AGBL1: variants seen among roughly 807,000 people sequenced by gnomAD.
The protein encoded by AGBL1 is cytosolic carboxypeptidase 4.
Under a neutral mutation model 118.9 loss-of-function variants are expected in AGBL1, and 130 were observed. That is an observed-to-expected ratio of 1.09 (90% confidence interval 0.95 to 1.26). The LOEUF is 1.26. Ranked by LOEUF, AGBL1 falls within the 50% of genes most tolerant of loss-of-function variation. AGBL1 has a pLI of 0.00. For missense variants in AGBL1, 1,584 were observed against 1,298.1 expected (o/e 1.22, Z -3.38); for synonymous variants, 555 against 478.9 (o/e 1.16, Z -2.08).
At chr15:86,165,144 T>C (rs928849218) in intron 5 of AGBL1, among the ~76,000 whole-genome samples, 8 of 152,170 alleles carry the variant, frequency 5.3e-5, no homozygotes, top group African/African-American at 1.4e-4. Flanking sequence ...CAAGCAAGCT[T>C]CATAAGCAAA....
intron 6 of AGBL1, among the ~76,000 whole-genome samples, chr15:86,243,663 G>C (rs1260834716): frequency 6.6e-6 from 1 of 152,028 alleles, no homozygotes; most frequent in African/African-American, 2.4e-5. Flanking sequence ...TAATACGAAA[G>C]ACCCTCAGAA....
At chr15:86,332,456 C>G (rs1314895618) in intron 17 of AGBL1, among the ~76,000 whole-genome samples, 1 of 151,950 alleles carries the variant, frequency 6.6e-6, no homozygotes, top group Non-Finnish European at 1.5e-5. Context: ...ACCATCCTGG[C>G]TAACATGGTG....
intron 13 of AGBL1, among the ~76,000 whole-genome samples, chr15:86,269,689 G>T (rs1455551707): frequency 6.6e-6 from 1 of 151,942 alleles, no homozygotes; most frequent in Admixed American, 6.6e-5. Flanking sequence ...AAAAATATGC[G>T]CTATTGTGTA....
chr15:87,006,792 A>T (rs532009704), intron 24 of AGBL1, among the ~76,000 whole-genome samples: 2 of 152,250 alleles, frequency 1.3e-5, no homozygotes, highest in Admixed American at 6.5e-5. Context: ...TGTAGACTGG[A>T]GCTGTTGCTA....
intron 18 of AGBL1, among the ~76,000 whole-genome samples, chr15:86,398,351 T>G (rs1442423738): frequency 6.6e-6 from 1 of 152,064 alleles, no homozygotes; most frequent in Admixed American, 6.6e-5. Context: ...TCTTTCAAAC[T>G]TTGTGGGCAA....
intron 1 of AGBL1, among the ~76,000 whole-genome samples, chr15:86,119,067 G>C (rs1419329319): frequency 6.6e-6 from 1 of 152,168 alleles, no homozygotes; most frequent in Non-Finnish European, 1.5e-5. Flanking sequence ...AGGGTCCAAA[G>C]TGCTTGCTCC....
intron 17 of AGBL1, among the ~76,000 whole-genome samples, chr15:86,359,993 T>C (rs2080779304): frequency 6.6e-6 from 1 of 152,042 alleles, no homozygotes; most frequent in African/African-American, 2.4e-5. Context: ...GACATAATTT[T>C]ACTTTTTCCT....
Position 86,749,070 on chromosome 15 carries a change from G to A in AGBL1, c.3158+74634G>A, listed in dbSNP as rs558947942. ...AGAAAGTCATTGGTAGCTTGATGGG[G>A]ATGGGATTGAATTTATAAATTACCT... is the stretch of plus-strand genomic sequence containing the variant. On this transcript the variant is annotated intron_variant, in intron 22 of 22. Transcript: ENST00000614907. Among the ~76,000 whole-genome samples, 22 of 152,108 alleles carry A rather than the reference G, an allele frequency of 1.4e-4. 1 individual carries two copies. Among genetic ancestry groups the A allele is most frequent in the Non-Finnish European group, 2.5e-4 (17 of 68,022 alleles).
At chr15:86,421,168 C>T (rs2081784487) in intron 18 of AGBL1, among the ~76,000 whole-genome samples, 1 of 152,084 alleles carries the variant, frequency 6.6e-6, no homozygotes, top group Non-Finnish European at 1.5e-5. Flanking sequence ...CCGTCAGATT[C>T]ACCAAGGCTG....
intron 21 of AGBL1, among the ~76,000 whole-genome samples, chr15:86,558,818 A>G (rs1159877766): frequency 6.6e-6 from 1 of 152,152 alleles, no homozygotes; most frequent in South Asian, 2.1e-4. Flanking sequence ...CGCAGATCAG[A>G]GCAGGGTTTC....
At chr15:86,809,156 G>A (rs370601985) in intron 22 of AGBL1, among the ~76,000 whole-genome samples, 6 of 152,290 alleles carry the variant, frequency 3.9e-5, no homozygotes, top group African/African-American at 1.4e-4. Context: ...GACAGTGACA[G>A]ATTCATAATT....
chr15:86,083,204 AG>A (rs1390441865), intron 1 of AGBL1: 3 of 151,856 alleles, frequency 2.0e-5, no homozygotes, highest in Non-Finnish European at 4.4e-5. Context: ...GAAAAAAAAA[AG>A]AGGTGTCTCA....
At chr15:86,795,600 T>C (rs1321642890) in intron 22 of AGBL1, among the ~76,000 whole-genome samples, 1 of 150,658 alleles carries the variant, frequency 6.6e-6, no homozygotes, top group Admixed American at 6.6e-5. Context: ...TTTTTTTTTT[T>C]TGAGACGGAA....
At chr15:86,956,553 T>C (rs888802545) in intron 23 of AGBL1, among the ~76,000 whole-genome samples, 1 of 152,182 alleles carries the variant, frequency 6.6e-6, no homozygotes, top group African/African-American at 2.4e-5. Context: ...GAATTCCTTC[T>C]TTGGGAAACA....
rs190049740 is a variant in AGBL1 at position 86,908,937 on chromosome 15, G to A, written c.*1643G>A. 13 of 152,348 alleles carry A rather than the reference G, an allele frequency of 8.5e-5. No homozygotes were observed. Among genetic ancestry groups the A allele is most frequent in the Admixed American group, 2.6e-4 (4 of 15,306 alleles). 9.4% of individuals were successfully genotyped at this position (152,348 alleles called of 1,614,324 possible). Reference sequence around the variant, plus strand: ...TGGAATTTTACACACTGGAAGACCAGTCCTAGTGTCATGGCTGCATGGTGT... The same window carrying A: ...TGGAATTTTACACACTGGAAGACCAATCCTAGTGTCATGGCTGCATGGTGT... On this transcript the variant is annotated 3_prime_UTR_variant, in exon 23 of 23. Transcript: ENST00000614907.
At position 86,389,905 on chromosome 15, in the gene AGBL1, G is replaced by T. The variant is rs143627763; in HGVS notation, c.2375-7461G>T. ...ATGGAGAGCAAATATTAAATTGATA[G>T]CTATATGCCAATATAAATCATTAAT... On this transcript the variant is annotated intron_variant, in intron 17 of 22. Coordinates refer to ENST00000614907, the MANE Select transcript of AGBL1 (RefSeq NM_001386094.1). Among the ~76,000 whole-genome samples the T allele has an allele frequency of 8.5e-3, 1,287 of 152,100 alleles. 25 individuals carry two copies. The highest frequency in any genetic ancestry group is 0.029 in the African/African-American group (1,207 of 41,534).
chr15:86,461,060 G>C (rs1459705298), intron 18 of AGBL1, among the ~76,000 whole-genome samples: 1 of 152,076 alleles, frequency 6.6e-6, no homozygotes, highest in Non-Finnish European at 1.5e-5. Flanking sequence ...ATGCATTCTA[G>C]GTCAGTGGAT....
chr15:86,709,971 C>T (rs1020251818), intron 22 of AGBL1, among the ~76,000 whole-genome samples: 1 of 152,214 alleles, frequency 6.6e-6, no homozygotes, highest in Non-Finnish European at 1.5e-5. Context: ...TATTGCTGCC[C>T]CAACTTTTCC....
At chr15:86,942,740 G>A (rs950639180) in intron 23 of AGBL1, among the ~76,000 whole-genome samples, 2 of 152,144 alleles carry the variant, frequency 1.3e-5, no homozygotes, top group Admixed American at 6.5e-5. Context: ...AGAAACAGTC[G>A]GCTTTTCTAA....
Sources: gnomAD v4.1 joint callset for allele counts (sites outside exome capture counted in the v4.1 genomes callset) on GRCh38, gnomAD v4.1.1 for gene constraint, MANE v1.5 for transcripts, NCBI Gene and HGNC (gene_info 2026-07-23, HGNC 2026-07-21) for gene names.